Variants in KLF16 observed in about 807,000 individuals in gnomAD.
KLF16 encodes the protein Krueppel-like factor 16.
A neutral mutation model predicts 6.1 loss-of-function variants in KLF16; 6 were observed. That is an observed-to-expected ratio of 0.98 (90% CI 0.54 to 1.93). The LOEUF (loss-of-function observed/expected upper bound fraction) is 1.93. KLF16 is among the 30% of genes most tolerant of loss of function. The probability of loss-of-function intolerance (pLI) is 0.01; values close to 1 mark genes in which losing one functional copy is unlikely to be tolerated. For synonymous variants in KLF16, 211 were observed against 176.5 expected (o/e 1.20, Z -1.55); for missense variants, 355 against 363.8 (o/e 0.98, Z 0.20).
intron 1 of KLF16, among the ~76,000 whole-genome samples, chr19:1,855,043 C>T (rs898278102): frequency 9.9e-5 from 15 of 152,200 alleles, no homozygotes; most frequent in Admixed American, 7.2e-4. Context: ...GTAACCGCCG[C>T]AGACCCCCAA....
At chr19:1,862,900 C>G (rs2012098043) in intron 1 of KLF16, 141 bp downstream of exon 1, 2 of 257,188 alleles carry the variant, frequency 7.8e-6, no homozygotes, top group Non-Finnish European at 1.2e-5. Flanking sequence ...CCACCGAGGC[C>G]CCGCCCTGCC....
Position 1,854,377 on chromosome 19 carries a change from G to A in KLF16, c.*82C>T. On this transcript the variant is annotated 3_prime_UTR_variant, in exon 2 of 2. Transcript: ENST00000250916. ...TTCAGGGTTTGCCCACGGCTGGAAG[G>A]GGCCCAGGCTCCCCGTGGGTCCTCA... 7.4e-7 allele frequency: 1 copy of A among 1,354,744 alleles called. No homozygotes were observed. Among genetic ancestry groups the A allele is most frequent in the Non-Finnish European group, 9.4e-7 (1 of 1,060,496 alleles). The allele number at this position is 1,354,744 out of a possible 1,614,324, so 83.9% of individuals were successfully genotyped here. A position where few individuals can be genotyped will look rare whatever the true frequency, so the allele number is the denominator to read the frequency against.
Position 1,854,594 on chromosome 19 carries a change from G to A in KLF16, c.624C>T (p.Arg208=). ...RSDHLAKHAR[R]HPGFHPDLLR... is the part of the protein sequence containing the mutation. ...GCAGGTCCGGGTGGAAGCCGGGGTG[G>A]CGGCGGGCGTGCTTGGCCAGGTGGT... The change falls in exon 2 of 2, where the codon CGC becomes CGT. Residue 208 remains arginine (R), a synonymous_variant. Coordinates refer to ENST00000250916, the MANE Select transcript of KLF16 (RefSeq NM_031918.4). 1.9e-6 allele frequency: 3 copies of A among 1,592,534 alleles called. No individual in the cohort carries two copies. Among genetic ancestry groups the A allele is most frequent in the Non-Finnish European group, 1.7e-6 (2 of 1,176,658 alleles).
chr19:1,855,704 T>A (rs1027187656), intron 1 of KLF16, among the ~76,000 whole-genome samples: 6 of 152,166 alleles, frequency 3.9e-5, no homozygotes, highest in African/African-American at 1.4e-4. Flanking sequence ...TGTGGCATCG[T>A]GATGTCAGCG....
chr19:1,871,683 G>C, the KLF16 span, among the ~76,000 whole-genome samples: 1 of 152,160 alleles, frequency 6.6e-6, no homozygotes, highest in African/African-American at 2.4e-5. Context: ...GCAGCTGCAA[G>C]CTCCTGGGGG....
intron 1 of KLF16, among the ~76,000 whole-genome samples, chr19:1,860,691 C>T (rs2012047107): frequency 6.6e-6 from 1 of 152,222 alleles, no homozygotes; most frequent in African/African-American, 2.4e-5. Context: ...GCATGGCCTT[C>T]CTGTCCCCCA....
intron 1 of KLF16, among the ~76,000 whole-genome samples, chr19:1,855,863 C>G (rs113336510): frequency 4.6e-5 from 7 of 152,236 alleles, no homozygotes; most frequent in African/African-American, 1.4e-4. Context: ...CCTGGCATTC[C>G]GGGACGTTAT....
Position 1,854,424 on chromosome 19 carries a change from G to C in KLF16, c.*35C>G. On this transcript the variant is annotated 3_prime_UTR_variant, in exon 2 of 2. Transcript: ENST00000250916. ...CTCACTACACCCCTGGATGGCAGAA[G>C]CATCCTGGCGGTCAGGGTGGGCTGC... 7.2e-7 allele frequency: 1 copy of C among 1,388,458 alleles called. No homozygotes were observed. The highest frequency in any genetic ancestry group is 1.6e-5 in the South Asian group (1 of 61,308). The allele number at this position is 1,388,458 out of a possible 1,614,324, so 86.0% of individuals were successfully genotyped here.
In KLF16 at chr19:1,863,202, G is replaced by C. The variant is rs1164887918; in HGVS notation, c.296C>G (p.Ser99Trp). The change falls in exon 1 of 2, where the codon TCG (serine) becomes TGG (tryptophan). Residue 99 changes from serine to tryptophan, a missense_variant. Transcript: ENST00000250916. ...GGPGAAPGGA[S>W]PASSSSAASS... The stretch of plus-strand genomic sequence containing the variant: ...GGCGGCTGAGGAGGAGGAGGCGGGC[G>C]AGGCGCCCCCCGGGGCGGCTCCGGG... The C allele has an allele frequency of 8.7e-7, 1 of 1,155,598 alleles. No individual in the cohort carries two copies. The highest frequency in any genetic ancestry group is 4.2e-5 in the East Asian group (1 of 23,978). The allele number at this position is 1,155,598 out of a possible 1,614,324, so 71.6% of individuals were successfully genotyped here. A position where few individuals can be genotyped will look rare whatever the true frequency, so the allele number is the denominator to read the frequency against.
chr19:1,860,964 T>G (rs1416938666), intron 1 of KLF16, among the ~76,000 whole-genome samples: 5 of 150,400 alleles, frequency 3.3e-5, no homozygotes, highest in African/African-American at 1.2e-4. Flanking sequence ...GCTCAAGGGG[T>G]GGGGGAGGGT....
chr19:1,857,204 C>T lies in KLF16; in HGVS notation c.458-2444G>A, dbSNP rs1011896478. Among the ~76,000 whole-genome samples the T allele has an allele frequency of 1.1e-4, 17 of 152,302 alleles. No homozygotes were observed. In the South Asian group the frequency reaches 1.2e-3, roughly 11 times the overall value. On this transcript the variant is annotated intron_variant, in intron 1 of 1. Coordinates refer to ENST00000250916, the MANE Select transcript of KLF16 (RefSeq NM_031918.4). The surrounding 1 kb of genome is among the most constrained non-coding windows in gnomAD (Gnocchi z 4.7). ...GGCGGGGCAGGGGGTGCACGGGCTA[C>T]CCACCCACGCTGCGCTGGGCGAAGC...
In KLF16 at chr19:1,863,165, G is replaced by A. The variant is rs1229692373; in HGVS notation, c.333C>T (p.Ser111=). The change falls in exon 1 of 2, where the codon TCC becomes TCT. Residue 111 remains serine, a synonymous_variant. Transcript: ENST00000250916. The part of the protein sequence containing the change: ...ASSSSAASSP[S]SGRAPGAAPS... ...GCGCGGCGCCGGGGGCGCGGCCCGAGGACGGGGACGAGGCGGCTGAGGAGG... is the reference window on the plus strand; with the variant it reads ...GCGCGGCGCCGGGGGCGCGGCCCGAAGACGGGGACGAGGCGGCTGAGGAGG... 3.9e-6 allele frequency: 5 copies of A among 1,276,866 alleles called. No homozygotes were observed. In the South Asian group the frequency reaches 9.9e-5, roughly 25 times the overall value. 79.1% of individuals were successfully genotyped at this position (1,276,866 alleles called of 1,614,324 possible).
upstream of KLF16, among the ~76,000 whole-genome samples, chr19:1,864,390 C>T (rs942961490): frequency 6.6e-6 from 1 of 152,214 alleles, no homozygotes; most frequent in Non-Finnish European, 1.5e-5. Context: ...CCCCTCGGAG[C>T]CTCCCGGCCG....
At chr19:1,873,927 G>C in the KLF16 span, among the ~76,000 whole-genome samples, 1 of 152,240 alleles carries the variant, frequency 6.6e-6, no homozygotes, top group Non-Finnish European at 1.5e-5. Flanking sequence ...CCGAAGCCTC[G>C]GTGCTGAGTT....
the KLF16 span, among the ~76,000 whole-genome samples, chr19:1,869,362 C>A: frequency 6.6e-6 from 1 of 152,134 alleles, no homozygotes; most frequent in African/African-American, 2.4e-5. Context: ...CGCCTGTAAT[C>A]CCAGCTACTC....
the KLF16 span, among the ~76,000 whole-genome samples, chr19:1,868,908 G>C: frequency 9.2e-5 from 14 of 152,126 alleles, no homozygotes; most frequent in African/African-American, 3.1e-4. Context: ...CTCCCAAAGT[G>C]CTAGGATTAT....
chr19:1,874,726 CAATA>C, the KLF16 span: 2 of 78,262 alleles, frequency 2.6e-5, no homozygotes, highest in African/African-American at 5.0e-5. Flanking sequence ...TGGTATTCAG[CAATA>C]AATGTGTCAG....
At chr19:1,855,359 A>AG (rs1212541743) in intron 1 of KLF16, among the ~76,000 whole-genome samples, 4 of 150,382 alleles carry the variant, frequency 2.7e-5, no homozygotes, top group Non-Finnish European at 5.9e-5. Flanking sequence ...AGGCACAGTC[A>AG]GTCTGGGCCC....
At chr19:1,854,821 G>A (rs1050918513) in intron 1 of KLF16, 61 bp from the exon 2 acceptor site, 14 of 1,548,434 alleles carry the variant, frequency 9.0e-6, no homozygotes, top group African/African-American at 4.1e-5. Context: ...TGACAGACAC[G>A]TTCCAGCAGA....
Sources: allele counts gnomAD v4.1 joint callset (sites outside exome capture counted in the v4.1 genomes callset), GRCh38; gene constraint gnomAD v4.1.1; non-coding constraint Gnocchi (gnomAD v3.1); transcripts MANE v1.5; gene names NCBI Gene and HGNC (gene_info 2026-07-23, HGNC 2026-07-21).